Variants in BRF1 observed in about 807,000 individuals in gnomAD.
The protein encoded by BRF1 is BRF1 general transcription factor IIIB subunit, also known as transcription factor IIIB 90 kDa subunit.
BRF1 carries 59 observed loss-of-function variants against 81.7 expected under a neutral mutation model. The observed-to-expected ratio is 0.72, with a 90% CI of 0.59 to 0.90. The LOEUF is 0.90. Ranked by LOEUF, BRF1 falls within the 40% of genes least tolerant of loss-of-function variation. BRF1 has a pLI of 0.00. For synonymous variants in BRF1, 491 were observed against 395.6 expected (o/e 1.24, Z -2.86); for missense variants, 1,050 against 936.3 (o/e 1.12, Z -1.58).
intron 15 of BRF1, chr14:105,213,342 G>A (rs1239933836): frequency 6.6e-6 from 1 of 152,196 alleles, no homozygotes; most frequent in Non-Finnish European, 1.5e-5. Context: ...TCATGCTCTG[G>A]AAGGTGAGGC....
intron 3 of BRF1, among the ~76,000 whole-genome samples, chr14:105,267,831 G>A (rs1216353785): frequency 1.3e-5 from 2 of 152,220 alleles, no homozygotes; most frequent in Non-Finnish European, 2.9e-5. Context: ...GCCCATCCCA[G>A]ACCCCAGAAT....
At position 105,228,917 on chromosome 14, in the gene BRF1, G is replaced by T. The variant is rs201207194; in HGVS notation, c.695-4C>A. ...ATTCTGGCTGCAACCAGGAGCGCTG[G>T]AAGGCAACGAGACGGGCCTCGTCAA... On this transcript the variant is annotated splice_polypyrimidine_tract_variant and splice_region_variant and intron_variant, in intron 6 of 17. Transcript: ENST00000547530. 1 of 1,613,380 alleles carries T rather than the reference G, an allele frequency of 6.2e-7. No homozygotes were observed. Among genetic ancestry groups the T allele is most frequent in the East Asian group, 2.2e-5 (1 of 44,882 alleles).
chr14:105,292,022 A>G lies in BRF1; in HGVS notation c.185-5646T>C, dbSNP rs2057535675. On this transcript the variant is annotated intron_variant, in intron 1 of 17. Coordinates refer to ENST00000547530, the MANE Select transcript of BRF1 (RefSeq NM_001519.4). Reference sequence around the variant, plus strand: ...TCAAAAAGAAAAAAAAAGAAGTCTCACTCTGTCACCCAGGCTAAAGCGCAG... The same window carrying G: ...TCAAAAAGAAAAAAAAAGAAGTCTCGCTCTGTCACCCAGGCTAAAGCGCAG... Among the ~76,000 whole-genome samples the G allele has an allele frequency of 2.0e-5, 3 of 152,042 alleles. No individual in the cohort carries two copies. In the East Asian group the frequency reaches 5.8e-4, roughly 29 times the overall value.
intron 15 of BRF1, chr14:105,212,580 A>C: frequency 5.5e-6 from 1 of 180,798 alleles, no homozygotes; most frequent in Admixed American, 5.7e-5. Flanking sequence ...TCTGCTGACA[A>C]CACCCTGCAC....
At chr14:105,308,101 T>C (rs1480129742) in intron 1 of BRF1, among the ~76,000 whole-genome samples, 3 of 152,098 alleles carry the variant, frequency 2.0e-5, no homozygotes, top group African/African-American at 7.2e-5. Flanking sequence ...GAGAATCGCT[T>C]GAACCCAGGT....
At chr14:105,264,460 C>T (rs1328406790) in intron 3 of BRF1, among the ~76,000 whole-genome samples, 3 of 151,766 alleles carry the variant, frequency 2.0e-5, no homozygotes, top group East Asian at 1.9e-4. Flanking sequence ...GTCAGGATAT[C>T]GGGACCATCC....
rs200535481 is a variant in BRF1 at position 105,219,280 on chromosome 14, G to A, written c.1378-48C>T. The A allele has an allele frequency of 6.6e-5, 105 of 1,602,358 alleles. 1 individual carries two copies. The highest frequency in any genetic ancestry group is 2.9e-5 in the Non-Finnish European group (34 of 1,171,382). Reference sequence around the variant, plus strand: ...GGCTGGCTTTTAGCCTTCGCACACCGGGGCATGCTAAGGTCGCGCTGGCCA... The same window carrying A: ...GGCTGGCTTTTAGCCTTCGCACACCAGGGCATGCTAAGGTCGCGCTGGCCA... On this transcript the variant is annotated intron_variant, in intron 12 of 17. Coordinates refer to ENST00000547530, the MANE Select transcript of BRF1 (RefSeq NM_001519.4).
intron 4 of BRF1, 91 bp downstream of exon 4, chr14:105,256,427 G>A: frequency 6.2e-7 from 1 of 1,613,536 alleles, no homozygotes; most frequent in Non-Finnish European, 8.5e-7. Flanking sequence ...GATGCGTGGA[G>A]GCACCTGGGG....
Position 105,228,915 on chromosome 14 carries a change from TG to T in BRF1, c.695-3del, listed in dbSNP as rs2054250958. Reference sequence around the variant, plus strand: ...GCATTCTGGCTGCAACCAGGAGCGCTGGAAGGCAACGAGACGGGCCTCGTCA... The same window carrying T: ...GCATTCTGGCTGCAACCAGGAGCGCTGAAGGCAACGAGACGGGCCTCGTCA... On this transcript the variant is annotated splice_region_variant and splice_polypyrimidine_tract_variant and intron_variant, in intron 6 of 17. Transcript: ENST00000547530. 3.1e-6 allele frequency: 5 copies of T among 1,613,432 alleles called. No homozygotes were observed. The East Asian group carries it at 1.1e-4, about 36-fold the overall frequency.
At chr14:105,217,021 A>C (rs960586872) in intron 15 of BRF1, among the ~76,000 whole-genome samples, 1 of 152,206 alleles carries the variant, frequency 6.6e-6, no homozygotes, top group Non-Finnish European at 1.5e-5. Context: ...ACCCACTCCA[A>C]GGCGGCCCTG....
intron 1 of BRF1, among the ~76,000 whole-genome samples, chr14:105,298,592 C>A (rs1442313087): frequency 1.3e-5 from 2 of 152,210 alleles, no homozygotes; most frequent in East Asian, 3.9e-4. Flanking sequence ...CGGTGGCTCG[C>A]GCCTGTAATC....
At chr14:105,215,116 G>A (rs1195317083) in intron 15 of BRF1, among the ~76,000 whole-genome samples, 2 of 152,160 alleles carry the variant, frequency 1.3e-5, no homozygotes, top group African/African-American at 2.4e-5. Flanking sequence ...GAAGACTGAT[G>A]GGTTTCTAAA....
intron 1 of BRF1, among the ~76,000 whole-genome samples, chr14:105,287,769 C>T (rs2057368643): frequency 6.6e-6 from 1 of 152,226 alleles, no homozygotes; most frequent in South Asian, 2.1e-4. Context: ...TTTAAAGACT[C>T]CAGTAAAATG....
chr14:105,250,730 A>G lies in BRF1; in HGVS notation c.544+1777T>C. On this transcript the variant is annotated intron_variant, in intron 5 of 17. Transcript: ENST00000547530. Reference sequence around the variant, plus strand: ...TGAGTGGAGGGGAAGTCAAGATGCTAACTGCTTCTTGACACCATGAAAGGC... The same window carrying G: ...TGAGTGGAGGGGAAGTCAAGATGCTGACTGCTTCTTGACACCATGAAAGGC... The G allele has an allele frequency of 5.3e-6, 8 of 1,500,728 alleles. No individual in the cohort carries two copies. The South Asian group carries it at 9.9e-5, about 19-fold the overall frequency. The allele number at this position is 1,500,728 out of a possible 1,614,324, so 93.0% of individuals were successfully genotyped here. A position where few individuals can be genotyped will look rare whatever the true frequency, so the allele number is the denominator to read the frequency against.
In BRF1 at chr14:105,271,530, C is replaced by G. The variant is rs948880038; in HGVS notation, c.439+1191G>C. ...GAGGGGCGCAGCTCGGAAAAGGTCC[C>G]TCTCCCAGGGAGCCATTGCAGGAGG... On this transcript the variant is annotated intron_variant, in intron 3 of 17. Transcript: ENST00000547530. The surrounding 1 kb of genome is among the most constrained non-coding windows in gnomAD (Gnocchi z 5.5). 3.9e-5 allele frequency among the ~76,000 whole-genome samples: 6 copies of G among 152,212 alleles called. No individual in the cohort carries two copies. Among genetic ancestry groups the G allele is most frequent in the Non-Finnish European group, 8.8e-5 (6 of 68,040 alleles).
chr14:105,264,056 GAACAAA>G (rs1289089546), intron 3 of BRF1, among the ~76,000 whole-genome samples: 1 of 151,786 alleles, frequency 6.6e-6, no homozygotes, highest in Admixed American at 6.6e-5. Flanking sequence ...AAGACCAAAG[GAACAAA>G]AACAAAAAGA....
At chr14:105,242,374 TTGC>T (rs1200872987) in intron 5 of BRF1, 1 of 151,996 alleles carries the variant, frequency 6.6e-6, no homozygotes, top group East Asian at 1.9e-4. Context: ...TTTAAAACAA[TTGC>T]TAAGATTTTT....
At chr14:105,268,763 C>T (rs1254626569) in intron 3 of BRF1, among the ~76,000 whole-genome samples, 2 of 152,212 alleles carry the variant, frequency 1.3e-5, no homozygotes, top group Admixed American at 6.5e-5. Context: ...GGACCCTCCA[C>T]GTCCTGCTGA....
At chr14:105,313,980 G>C (rs2058432333) in intron 1 of BRF1, among the ~76,000 whole-genome samples, 1 of 152,262 alleles carries the variant, frequency 6.6e-6, no homozygotes, top group Non-Finnish European at 1.5e-5. Flanking sequence ...CCAGACATTT[G>C]TTCTCCATTG....
Sources: gnomAD v4.1 joint callset for allele counts (sites outside exome capture counted in the v4.1 genomes callset) on GRCh38, gnomAD v4.1.1 for gene constraint, Gnocchi (gnomAD v3.1) non-coding constraint, MANE v1.5 for transcripts, NCBI Gene and HGNC (gene_info 2026-07-23, HGNC 2026-07-21) for gene names.